Variants in ZNF3 observed in about 807,000 individuals in gnomAD.
ZNF3 encodes the protein zinc finger protein 3.
ZNF3 carries 16 observed loss-of-function variants against 36.9 expected under a neutral mutation model. The ratio of observed to expected loss-of-function variants is 0.43; its 90% CI spans 0.29 to 0.66. The LOEUF is 0.66. Ranked by LOEUF, ZNF3 falls within the 30% of genes least tolerant of loss-of-function variation. The pLI is 0.13. For missense variants in ZNF3, 462 were observed against 543.1 expected, an observed-to-expected ratio of 0.85 and a Z score of 1.48; for synonymous variants, 201 against 201.9, an observed-to-expected ratio of 1.00 and a Z score of 0.04.
At position 100,077,414 on chromosome 7, in the gene ZNF3, TAA is replaced by T; in HGVS notation, c.-59_-58del. 1 of 1,612,850 alleles carries T rather than the reference TAA, an allele frequency of 6.2e-7. No homozygotes were observed. The highest frequency in any genetic ancestry group is 1.7e-5 in the Admixed American group (1 of 59,802). On this transcript the variant is annotated 5_prime_UTR_variant, in exon 3 of 6. Coordinates refer to ENST00000299667, the MANE Select transcript of ZNF3 (RefSeq NM_032924.5). ...TGCAGACTCAGCGGGAAGCGGGTTT[TAA>T]AAGAGAATGAGGAAGCACTGCAGAA...
downstream of ZNF3, chr7:100,065,122 G>A (rs917891520): frequency 7.7e-6 from 6 of 776,516 alleles, no homozygotes; most frequent in African/African-American, 5.3e-5. Context: ...TACTGGTTTA[G>A]CTTTTAGAAA....
At position 100,064,811 on chromosome 7, in the gene ZNF3, C is replaced by T. The variant is rs1194618563; in HGVS notation, c.373G>A (p.Val125Met). 60 of 1,614,072 alleles carry T rather than the reference C, an allele frequency of 3.7e-5. 1 individual carries two copies. The Admixed American group carries it at 1.0e-3, about 27-fold the overall frequency. ...CCTCAGAAGGTGTCAGGAGGTTCCA[C>T]ACTCGCCAGTTCACTGGAGCAGAGT... The change falls in exon 6 of 6, where the codon GTG (valine) becomes ATG (methionine). Residue 125 changes from valine (V) to methionine (M), a missense_variant. Coordinates refer to the ZNF3 transcript ENST00000413658.
chr7:100,067,102 G>C (rs576477946), downstream of ZNF3, among the ~76,000 whole-genome samples: 1 of 152,146 alleles, frequency 6.6e-6, no homozygotes, highest in Admixed American at 6.5e-5. Flanking sequence ...TGTCCACTTT[G>C]CCTGTGATAG....
chr7:100,081,479 T>G lies in ZNF3; in HGVS notation c.-198+156A>C, dbSNP rs1349019716. 2.0e-5 allele frequency among the ~76,000 whole-genome samples: 3 copies of G among 151,702 alleles called. No homozygotes were observed. Among genetic ancestry groups the G allele is most frequent in the African/African-American group, 7.3e-5 (3 of 41,254 alleles). The stretch of plus-strand genomic sequence containing the variant: ...TAGGGGGATCCCTGGGGAAGCGGAG[T>G]AGAGGACGGGCTGCAGGGGACGGAG... On this transcript the variant is annotated intron_variant, in intron 1 of 5. Transcript: ENST00000299667. This position sits in a 1 kb window ranked among gnomAD's most constrained non-coding sequence, Gnocchi z 4.3.
intron 2 of ZNF3, among the ~76,000 whole-genome samples, chr7:100,078,384 T>C (rs1404778082): frequency 6.7e-6 from 1 of 150,246 alleles, no homozygotes; most frequent in Non-Finnish European, 1.5e-5. Flanking sequence ...TAATCCCAGC[T>C]ACTCAGGAAG....
In ZNF3 at chr7:100,064,238, T is replaced by C. The variant is rs1792511546; in HGVS notation, c.*550A>G. On this transcript the variant is annotated 3_prime_UTR_variant, in exon 6 of 6. Coordinates refer to the ZNF3 transcript ENST00000413658. Reference sequence around the variant, plus strand: ...GCTTTTGGGCAGAGCTCAGACCTTCTTAAACATCAGAGAATGCACACAGAA... The same window carrying C: ...GCTTTTGGGCAGAGCTCAGACCTTCCTAAACATCAGAGAATGCACACAGAA... The C allele has an allele frequency of 1.9e-6, 3 of 1,613,958 alleles. No individual in the cohort carries two copies. The African/African-American group carries it at 4.0e-5, about 22-fold the overall frequency.
downstream of ZNF3, chr7:100,063,865 A>G (rs769327513): frequency 1.2e-6 from 2 of 1,614,172 alleles, no homozygotes; most frequent in South Asian, 1.1e-5. Flanking sequence ...CAAAGGGGAT[A>G]TAATTTCTGT....
At chr7:100,080,410 C>A (rs994794788) in intron 1 of ZNF3, among the ~76,000 whole-genome samples, 2 of 152,086 alleles carry the variant, frequency 1.3e-5, no homozygotes, top group African/African-American at 4.8e-5. Flanking sequence ...GGGAGGATTA[C>A]TTGAGCCCAG....
Position 100,070,154 on chromosome 7 carries a change from T to C in ZNF3, c.*989A>G, listed in dbSNP as rs1284801111. 4.1e-6 allele frequency: 4 copies of C among 966,774 alleles called. No individual in the cohort carries two copies. In the African/African-American group the frequency reaches 5.7e-5, roughly 14 times the overall value. The allele number at this position is 966,774 out of a possible 1,614,324, so 59.9% of individuals were successfully genotyped here. On this transcript the variant is annotated 3_prime_UTR_variant, in exon 6 of 6. Transcript: ENST00000299667. ...AGCCTGCCTTCTCTGGGCTTCGTTTTTTTGTTTTTTTGTTTTTTTTTTCTC... is the reference window on the plus strand; with the variant it reads ...AGCCTGCCTTCTCTGGGCTTCGTTTCTTTGTTTTTTTGTTTTTTTTTTCTC...
chr7:100,070,113 T>C lies in ZNF3; in HGVS notation c.*1030A>G, dbSNP rs1562857332. 1.0e-6 allele frequency: 1 copy of C among 985,456 alleles called. No individual in the cohort carries two copies. The highest frequency in any genetic ancestry group is 1.2e-6 in the Non-Finnish European group (1 of 829,930). The allele number at this position is 985,456 out of a possible 1,614,324, so 61.0% of individuals were successfully genotyped here. ...ATCCTCACCCAGCAACGAGCTCTGC[T>C]ACCAGGCTCAGGCACAGCCTGCCTT... On this transcript the variant is annotated 3_prime_UTR_variant, in exon 6 of 6. Transcript: ENST00000299667.
At position 100,076,262 on chromosome 7, in the gene ZNF3, G is replaced by A. The variant is rs148407035; in HGVS notation, c.56-632C>T. Among the ~76,000 whole-genome samples, 378 of 151,784 alleles carry A rather than the reference G, an allele frequency of 2.5e-3. 3 individuals carry two copies. The highest frequency in any genetic ancestry group is 8.8e-3 in the African/African-American group (363 of 41,416). On this transcript the variant is annotated intron_variant, in intron 3 of 5. Coordinates refer to ENST00000299667, the MANE Select transcript of ZNF3 (RefSeq NM_032924.5). ...TACACTAAAAATGTTCCCTGTTTCT[G>A]TGTTGAATCTCTTACCTTTTTCTGC...
In ZNF3 at chr7:100,070,589, T is replaced by C. The variant is rs374471774; in HGVS notation, c.*554A>G. ...AGGACACCATCATCACAGATGATGA[T>C]TCTGGAATCTCTTCTACCCTCAATA... On this transcript the variant is annotated 3_prime_UTR_variant, in exon 6 of 6. Coordinates refer to ENST00000299667, the MANE Select transcript of ZNF3 (RefSeq NM_032924.5). The C allele has an allele frequency of 1.6e-4, 159 of 986,940 alleles. 3 individuals carry two copies. The South Asian group carries it at 3.8e-3, about 24-fold the overall frequency. The allele number at this position is 986,940 out of a possible 1,614,324, so 61.1% of individuals were successfully genotyped here. A position where few individuals can be genotyped will look rare whatever the true frequency, so the allele number is the denominator to read the frequency against.
downstream of ZNF3, chr7:100,065,027 A>G (rs1417093972): frequency 6.7e-6 from 9 of 1,351,364 alleles, no homozygotes; most frequent in Middle Eastern, 1.9e-4. Context: ...GAATAAACTT[A>G]TAACATCTTG....
intron 5 of ZNF3, among the ~76,000 whole-genome samples, chr7:100,074,366 G>A (rs943859144): frequency 3.3e-5 from 5 of 152,132 alleles, no homozygotes; most frequent in Non-Finnish European, 2.9e-5. Flanking sequence ...GGCTTCCCAG[G>A]CTCAAGTGAT....
At chr7:100,067,346 A>C (rs1792699988), downstream of ZNF3, among the ~76,000 whole-genome samples, 1 of 152,260 alleles carries the variant, frequency 6.6e-6, no homozygotes, top group Middle Eastern at 3.4e-3. Flanking sequence ...ATTTTAACAC[A>C]CGCTGAGTCT....
Position 100,077,448 on chromosome 7 carries a change from G to A in ZNF3, c.-76-15C>T, listed in dbSNP as rs1794305960. 3.7e-6 allele frequency: 6 copies of A among 1,602,952 alleles called. No homozygotes were observed. Among genetic ancestry groups the A allele is most frequent in the Non-Finnish European group, 4.3e-6 (5 of 1,173,890 alleles). On this transcript the variant is annotated splice_polypyrimidine_tract_variant and intron_variant, in intron 2 of 5. Transcript: ENST00000299667. ...ATGAGGAAGCACTGCAGAAGCAAAA[G>A]TTCAAGGTTCAAAGATAATTCAAAA...
rs1377883468 is a variant in ZNF3, at chr7:100,077,251, G to A, written c.55+52C>T. 3 of 1,610,482 alleles carry A rather than the reference G, an allele frequency of 1.9e-6. No homozygotes were observed. In the African/African-American group the frequency reaches 4.0e-5, roughly 22 times the overall value. ...TACCTGGTAAGTGAGCGATTTCAAT[G>A]GATGATTGCAGAATGACTGAGTAAA... On this transcript the variant is annotated intron_variant, in intron 3 of 5. Transcript: ENST00000299667.
In ZNF3 at chr7:100,079,604, T is replaced by C. The variant is rs1794676413; in HGVS notation, c.-145A>G. The C allele has an allele frequency of 6.6e-6, 1 of 152,244 alleles. No individual in the cohort carries two copies. Among genetic ancestry groups the C allele is most frequent in the Non-Finnish European group, 1.5e-5 (1 of 68,046 alleles). 9.4% of individuals were successfully genotyped at this position (152,244 alleles called of 1,614,324 possible). ...GGCCAAAGGAGCAATTACTGGGAAT[T>C]TAGCAGCCTCTGTTCAAGTTCCCGG... On this transcript the variant is annotated 5_prime_UTR_variant, in exon 2 of 6. Transcript: ENST00000299667.
chr7:100,077,417 A>C lies in ZNF3; in HGVS notation c.-60T>G. ...AGACTCAGCGGGAAGCGGGTTTTAAAAGAGAATGAGGAAGCACTGCAGAAG... is the reference window on the plus strand; with the variant it reads ...AGACTCAGCGGGAAGCGGGTTTTAACAGAGAATGAGGAAGCACTGCAGAAG... On this transcript the variant is annotated 5_prime_UTR_variant, in exon 3 of 6. Coordinates refer to ENST00000299667, the MANE Select transcript of ZNF3 (RefSeq NM_032924.5). 6.2e-7 allele frequency: 1 copy of C among 1,613,360 alleles called. No homozygotes were observed. The highest frequency in any genetic ancestry group is 1.3e-5 in the African/African-American group (1 of 74,998).
Sources: allele counts gnomAD v4.1 joint callset (sites outside exome capture counted in the v4.1 genomes callset), GRCh38; gene constraint gnomAD v4.1.1; non-coding constraint Gnocchi (gnomAD v3.1); transcripts MANE v1.5; gene names NCBI Gene and HGNC (gene_info 2026-07-23, HGNC 2026-07-21).